CACNA2D3: variants seen among roughly 807,000 people sequenced by gnomAD.
CACNA2D3 encodes voltage-dependent calcium channel subunit alpha-2/delta-3.
CACNA2D3 carries 60 observed loss-of-function variants against 160.6 expected under a neutral mutation model. The observed-to-expected ratio is 0.37, with a 90% CI of 0.30 to 0.46. CACNA2D3 has a LOEUF of 0.46. Among genes scored for constraint, CACNA2D3 ranks in the 20% least tolerant of loss-of-function variants. CACNA2D3 has a pLI of 1.00. For synonymous variants in CACNA2D3, 558 were observed against 492.9 expected, an observed-to-expected ratio of 1.13 and a Z score of -1.75; for missense variants, 1,205 against 1,365.0, an observed-to-expected ratio of 0.88 and a Z score of 1.85.
rs1034356448 is a variant in CACNA2D3, at chr3:54,918,831, A to G, written c.2449+18963A>G. The G allele has an allele frequency of 9.4e-6, 15 of 1,597,118 alleles. 2 individuals are homozygous for G. Among genetic ancestry groups the G allele is most frequent in the Non-Finnish European group, 7.7e-6 (9 of 1,169,002 alleles). ...GCTGGTACAGCTCATGAGGGATCCT[A>G]AGGAGGTCCTTTCCCTTCCAGGTGT... On this transcript the variant is annotated intron_variant, in intron 27 of 37. Coordinates refer to ENST00000474759, the MANE Select transcript of CACNA2D3 (RefSeq NM_018398.3).
chr3:54,757,259 A>G (rs1035423699), intron 12 of CACNA2D3, among the ~76,000 whole-genome samples: 1 of 152,152 alleles, frequency 6.6e-6, no homozygotes, highest in East Asian at 1.9e-4. Context: ...CCGATCAGTC[A>G]TCGTCAGGTC....
chr3:54,783,398 G>C (rs1702570211), intron 13 of CACNA2D3, among the ~76,000 whole-genome samples: 1 of 152,080 alleles, frequency 6.6e-6, no homozygotes, highest in Non-Finnish European at 1.5e-5. Flanking sequence ...TTGAGGTCAG[G>C]AGTTCAAAAC....
chr3:54,539,283 G>T (rs1437045584), intron 5 of CACNA2D3, among the ~76,000 whole-genome samples: 4 of 152,224 alleles, frequency 2.6e-5, no homozygotes, highest in Non-Finnish European at 5.9e-5. Flanking sequence ...GTTTAGCTGA[G>T]CAAATGGAGA....
intron 9 of CACNA2D3, among the ~76,000 whole-genome samples, chr3:54,610,307 T>G (rs372452423): frequency 1.3e-5 from 2 of 152,352 alleles, no homozygotes; most frequent in South Asian, 2.1e-4. Context: ...TTGCAATGAT[T>G]GGGATACATG....
chr3:54,803,155 C>T (rs1236791080), intron 13 of CACNA2D3, among the ~76,000 whole-genome samples: 1 of 152,216 alleles, frequency 6.6e-6, no homozygotes, highest in East Asian at 1.9e-4. Flanking sequence ...CAGAGCGCCT[C>T]TCCTCCTCCA....
chr3:54,354,431 A>T (rs1196846727), intron 3 of CACNA2D3, among the ~76,000 whole-genome samples: 1 of 152,146 alleles, frequency 6.6e-6, no homozygotes, highest in Admixed American at 6.5e-5. Flanking sequence ...TAAGGTCTAA[A>T]ACCAAAAAAG....
At chr3:54,147,632 C>T (rs1227113749) in intron 2 of CACNA2D3, among the ~76,000 whole-genome samples, 1 of 152,372 alleles carries the variant, frequency 6.6e-6, no homozygotes, top group East Asian at 1.9e-4. Context: ...GTTTCCTCCC[C>T]TGTACAATGG....
At chr3:54,528,544 T>G (rs1254554385) in intron 5 of CACNA2D3, among the ~76,000 whole-genome samples, 1 of 152,196 alleles carries the variant, frequency 6.6e-6, no homozygotes, top group African/African-American at 2.4e-5. Context: ...TCCTGACCCA[T>G]ATTTTCCTTT....
intron 29 of CACNA2D3, among the ~76,000 whole-genome samples, chr3:54,979,151 AG>A (rs1702453603): frequency 6.6e-6 from 1 of 152,148 alleles, no homozygotes; most frequent in Non-Finnish European, 1.5e-5. Context: ...TCTCCTCTTG[AG>A]GTCCCAAAAT....
intron 17 of CACNA2D3, among the ~76,000 whole-genome samples, chr3:54,857,090 T>G (rs1395373702): frequency 6.6e-6 from 1 of 152,092 alleles, no homozygotes; most frequent in Non-Finnish European, 1.5e-5. Context: ...CAGGATGATG[T>G]ATTAAGCTGA....
chr3:54,421,379 C>G (rs1699834150), intron 4 of CACNA2D3, among the ~76,000 whole-genome samples: 1 of 152,154 alleles, frequency 6.6e-6, no homozygotes, highest in Admixed American at 6.5e-5. Context: ...GTCGGAGGTG[C>G]CTGATAGAGT....
rs1704898543 is a variant in CACNA2D3, at chr3:55,074,294, A to G, written c.*88A>G. 2 of 1,010,042 alleles carry G rather than the reference A, an allele frequency of 2.0e-6. No homozygotes were observed. Among genetic ancestry groups the G allele is most frequent in the Admixed American group, 1.7e-5 (1 of 58,784 alleles). The allele number at this position is 1,010,042 out of a possible 1,614,324, so 62.6% of individuals were successfully genotyped here. A position where few individuals can be genotyped will look rare whatever the true frequency, so the allele number is the denominator to read the frequency against. On this transcript the variant is annotated 3_prime_UTR_variant, in exon 38 of 38. Transcript: ENST00000474759. The stretch of plus-strand genomic sequence containing the variant: ...ACTGTGAACCAAAATATGGTGCAAC[A>G]TACGAGACATGAATATAGTCCAACC...
intron 11 of CACNA2D3, among the ~76,000 whole-genome samples, chr3:54,732,062 C>T (rs1049500383): frequency 1.3e-5 from 2 of 152,086 alleles, no homozygotes; most frequent in African/African-American, 4.8e-5. Context: ...TTTTTTAAAT[C>T]TCATTTGTTG....
chr3:54,670,607 G>T (rs1700142098), intron 11 of CACNA2D3, among the ~76,000 whole-genome samples: 1 of 152,182 alleles, frequency 6.6e-6, no homozygotes, highest in Non-Finnish European at 1.5e-5. Flanking sequence ...TGAGTGACAA[G>T]GTGGAATGAA....
intron 10 of CACNA2D3, among the ~76,000 whole-genome samples, chr3:54,641,910 G>C (rs1015528587): frequency 3.3e-5 from 5 of 152,080 alleles, no homozygotes; most frequent in African/African-American, 1.2e-4. Context: ...CGGTTGGTTG[G>C]AGGGCTTAGA....
intron 2 of CACNA2D3, among the ~76,000 whole-genome samples, chr3:54,204,796 G>GAAAAAAAAAAAAAAAAAAAAAAAAAAA (rs57129457): frequency 1.4e-5 from 1 of 74,058 alleles, no homozygotes; most frequent in Admixed American, 1.8e-4. Flanking sequence ...ATGCTGTCTT[G>GAAAAAAAAAAAAAAAAAAAAAAAAAAA]AAAAAAAAAA....
At chr3:54,988,678 A>G (rs1451706916) in intron 31 of CACNA2D3, among the ~76,000 whole-genome samples, 1 of 152,258 alleles carries the variant, frequency 6.6e-6, no homozygotes, top group Non-Finnish European at 1.5e-5. Flanking sequence ...CTGAATGGCT[A>G]GGAAGTGTTA....
chr3:54,770,175 C>T (rs1168803030), intron 13 of CACNA2D3, among the ~76,000 whole-genome samples: 2 of 152,170 alleles, frequency 1.3e-5, no homozygotes, highest in Non-Finnish European at 2.9e-5. Flanking sequence ...CTATAAATAT[C>T]CTATAAAGAG....
intron 11 of CACNA2D3, among the ~76,000 whole-genome samples, chr3:54,692,712 C>T (rs1374750024): frequency 1.3e-5 from 2 of 152,294 alleles, no homozygotes; most frequent in Admixed American, 6.5e-5. Flanking sequence ...TGTATCAACT[C>T]ACCAAAAGGC....
Sources: gnomAD v4.1 joint callset for allele counts (sites outside exome capture counted in the v4.1 genomes callset) on GRCh38, gnomAD v4.1.1 for gene constraint, MANE v1.5 for transcripts, NCBI Gene and HGNC (gene_info 2026-07-23, HGNC 2026-07-21) for gene names.